Variants in ARHGEF28 observed in about 807,000 individuals in gnomAD.
ARHGEF28 encodes the protein 190 kDa guanine nucleotide exchange factor.
A neutral mutation model predicts 206.6 loss-of-function variants in ARHGEF28; 152 were observed. The observed-to-expected ratio is 0.74, with a 90% CI of 0.64 to 0.84. ARHGEF28 has a LOEUF of 0.84. Among genes scored for constraint, ARHGEF28 ranks in the 40% least tolerant of loss-of-function variants. ARHGEF28 has a pLI of 0.00. For missense variants in ARHGEF28, 2,028 were observed against 2,073.2 expected (o/e 0.98, Z 0.42); for synonymous variants, 763 against 776.4 (o/e 0.98, Z 0.29).
intron 14 of ARHGEF28, among the ~76,000 whole-genome samples, chr5:73,855,460 G>C (rs1419861522): frequency 6.6e-6 from 1 of 152,136 alleles, no homozygotes; most frequent in Non-Finnish European, 1.5e-5. Context: ...GGCTGGGCGT[G>C]GTGGCTCACG....
At chr5:73,874,704 T>A (rs1357827078) in intron 22 of ARHGEF28, among the ~76,000 whole-genome samples, 1 of 151,348 alleles carries the variant, frequency 6.6e-6, no homozygotes, top group Admixed American at 6.6e-5. Context: ...TTGCTGAGAA[T>A]GATGATTTCC....
chr5:73,779,202 T>C (rs1753697982), intron 6 of ARHGEF28, among the ~76,000 whole-genome samples: 1 of 152,182 alleles, frequency 6.6e-6, no homozygotes, highest in South Asian at 2.1e-4. Context: ...AATGTTAAAA[T>C]GGAAGGTGGT....
chr5:73,937,972 A>G (rs1764511202), intron 35 of ARHGEF28, among the ~76,000 whole-genome samples: 1 of 152,192 alleles, frequency 6.6e-6, no homozygotes, highest in African/African-American at 2.4e-5. Context: ...AGAAACCAAG[A>G]AGGAACATGG....
intron 7 of ARHGEF28, among the ~76,000 whole-genome samples, chr5:73,782,437 CAAAAAA>C (rs1753904775): frequency 6.6e-6 from 1 of 151,858 alleles, no homozygotes; most frequent in South Asian, 2.1e-4. Flanking sequence ...GACTCCATCT[CAAAAAA>C]CAAAACAAAA....
chr5:73,683,668 A>G (rs537291128), intron 1 of ARHGEF28, among the ~76,000 whole-genome samples: 8 of 149,244 alleles, frequency 5.4e-5, no homozygotes, highest in African/African-American at 2.0e-4. Context: ...CCTGGCAGAG[A>G]GGTTGGTTAG....
intron 9 of ARHGEF28, among the ~76,000 whole-genome samples, chr5:73,830,773 T>C (rs1757247231): frequency 6.6e-6 from 1 of 152,144 alleles, no homozygotes; most frequent in African/African-American, 2.4e-5. Flanking sequence ...AATGGATTTT[T>C]TTTTTGCTCA....
At chr5:73,881,384 A>G (rs185981037) in intron 22 of ARHGEF28, among the ~76,000 whole-genome samples, 18 of 152,352 alleles carry the variant, frequency 1.2e-4, no homozygotes, top group Admixed American at 4.6e-4. Context: ...CAGTTTGAAG[A>G]AAATTGACAT....
In ARHGEF28 at chr5:73,850,483, G is replaced by A. The variant is rs538458594; in HGVS notation, c.1747+1396G>A. Among the ~76,000 whole-genome samples the A allele has an allele frequency of 2.0e-3, 303 of 152,152 alleles. 2 individuals are homozygous for A. Among genetic ancestry groups the A allele is most frequent in the South Asian group, 0.016 (75 of 4,818 alleles). Reference sequence around the variant, plus strand: ...CCAGGTCTCCCCAGCCTTAGTTTAGGTTGGTGTATTTTTAATAGCTCGACA... The same window carrying A: ...CCAGGTCTCCCCAGCCTTAGTTTAGATTGGTGTATTTTTAATAGCTCGACA... On this transcript the variant is annotated intron_variant, in intron 13 of 35. Coordinates refer to ENST00000513042, the MANE Select transcript of ARHGEF28 (RefSeq NM_001177693.2).
chr5:73,746,174 C>G (rs974143557), intron 2 of ARHGEF28, among the ~76,000 whole-genome samples: 4 of 151,958 alleles, frequency 2.6e-5, no homozygotes, highest in Non-Finnish European at 5.9e-5. Flanking sequence ...GGAAGCATTT[C>G]TAGAATTTTA....
chr5:73,872,620 C>A (rs1760176484), intron 21 of ARHGEF28, among the ~76,000 whole-genome samples: 2 of 152,002 alleles, frequency 1.3e-5, no homozygotes, highest in East Asian at 1.9e-4. Flanking sequence ...ATGCAAAAAT[C>A]AAATAAAGAA....
chr5:73,663,599 C>T (rs780049647), intron 1 of ARHGEF28, among the ~76,000 whole-genome samples: 1 of 152,212 alleles, frequency 6.6e-6, no homozygotes, highest in African/African-American at 2.4e-5. Context: ...TTGTGCATTA[C>T]TATTAAACTA....
intron 1 of ARHGEF28, among the ~76,000 whole-genome samples, chr5:73,647,932 A>G (rs1232703845): frequency 6.6e-6 from 1 of 152,224 alleles, no homozygotes; most frequent in Non-Finnish European, 1.5e-5. Context: ...TCTTTTCTTG[A>G]GATCTTTGCC....
intron 1 of ARHGEF28, among the ~76,000 whole-genome samples, chr5:73,679,208 G>A (rs533579381): frequency 6.6e-6 from 1 of 152,172 alleles, no homozygotes; most frequent in Admixed American, 6.5e-5. Flanking sequence ...GCTTTTGTAG[G>A]TAGCAAACTT....
intron 9 of ARHGEF28, among the ~76,000 whole-genome samples, chr5:73,797,230 T>G (rs1414205590): frequency 6.6e-6 from 1 of 152,160 alleles, no homozygotes; most frequent in Admixed American, 6.5e-5. Context: ...ACTTTTTGAA[T>G]TAATAAAGTC....
chr5:73,829,579 A>G (rs1052509688), intron 9 of ARHGEF28, among the ~76,000 whole-genome samples: 5 of 152,008 alleles, frequency 3.3e-5, no homozygotes, highest in Admixed American at 6.6e-5. Flanking sequence ...ACAGGGTTTC[A>G]TCATGTTAGC....
At chr5:73,855,455 G>T (rs1758961230) in intron 14 of ARHGEF28, among the ~76,000 whole-genome samples, 1 of 152,126 alleles carries the variant, frequency 6.6e-6, no homozygotes. Flanking sequence ...GTATCGGCTG[G>T]GCGTGGTGGC....
intron 2 of ARHGEF28, among the ~76,000 whole-genome samples, chr5:73,729,955 AT>A (rs964827674): frequency 6.6e-6 from 1 of 152,170 alleles, no homozygotes; most frequent in African/African-American, 2.4e-5. Context: ...TCACTTTCCC[AT>A]TTATAAGGTG....
intron 35 of ARHGEF28, among the ~76,000 whole-genome samples, chr5:73,928,462 G>A (rs1763936942): frequency 6.6e-6 from 1 of 152,100 alleles, no homozygotes; most frequent in South Asian, 2.1e-4. Context: ...AGAATTGGTT[G>A]CCAATTTTTA....
intron 1 of ARHGEF28, among the ~76,000 whole-genome samples, chr5:73,641,096 T>C (rs1744052133): frequency 6.6e-6 from 1 of 152,234 alleles, no homozygotes; most frequent in African/African-American, 2.4e-5. Context: ...GTACTCATGG[T>C]CACAAAGACA....
Sources: gnomAD v4.1 joint callset for allele counts (sites outside exome capture counted in the v4.1 genomes callset) on GRCh38, gnomAD v4.1.1 for gene constraint, MANE v1.5 for transcripts, NCBI Gene and HGNC (gene_info 2026-07-23, HGNC 2026-07-21) for gene names.